Variants in SDK2 observed in about 807,000 individuals in gnomAD.
SDK2 encodes the protein sidekick cell adhesion molecule 2, also known as protein sidekick-2.
In SDK2, 105 loss-of-function variants were observed where a neutral mutation model predicts 253.9. The ratio of observed to expected loss-of-function variants is 0.41; its 90% confidence interval spans 0.35 to 0.49. The LOEUF (loss-of-function observed/expected upper bound fraction) is 0.49. Among genes scored for constraint, SDK2 ranks in the 20% least tolerant of loss-of-function variants. SDK2 has a pLI of 0.06. For missense variants in SDK2, 2,608 were observed against 3,003.0 expected, an observed-to-expected ratio of 0.87 and a Z score of 3.07; for synonymous variants, 1,249 against 1,234.9, an observed-to-expected ratio of 1.01 and a Z score of -0.24.
At chr17:73,394,904 C>T (rs1330786842) in intron 25 of SDK2, among the ~76,000 whole-genome samples, 6 of 152,152 alleles carry the variant, frequency 3.9e-5, no homozygotes, top group Admixed American at 1.3e-4. Context: ...GGAGCCTACC[C>T]AGCTGTCCTC....
At chr17:73,373,569 A>G (rs1383746739) in intron 36 of SDK2, among the ~76,000 whole-genome samples, 1 of 152,162 alleles carries the variant, frequency 6.6e-6, no homozygotes, top group Non-Finnish European at 1.5e-5. Context: ...GTGTGATGGG[A>G]TATCTCACTG....
intron 1 of SDK2, among the ~76,000 whole-genome samples, chr17:73,535,555 C>T (rs1159606779): frequency 6.6e-6 from 1 of 152,200 alleles, no homozygotes; most frequent in Admixed American, 6.5e-5. Flanking sequence ...CTGGTGAACA[C>T]TTAACATCCT....
At chr17:73,545,437 A>G (rs1179324496) in intron 1 of SDK2, among the ~76,000 whole-genome samples, 1 of 152,148 alleles carries the variant, frequency 6.6e-6, no homozygotes, top group African/African-American at 2.4e-5. Flanking sequence ...GCTACTTGAG[A>G]GACACCGGTG....
intron 43 of SDK2, among the ~76,000 whole-genome samples, chr17:73,349,071 T>C (rs558923915): frequency 3.3e-5 from 5 of 152,284 alleles, no homozygotes; most frequent in Non-Finnish European, 7.4e-5. Context: ...CACAGGGGCC[T>C]GGATGTGTGT....
intron 37 of SDK2, 89 bp downstream of exon 37, chr17:73,368,318 G>A: frequency 8.2e-7 from 1 of 1,220,808 alleles, no homozygotes; most frequent in Non-Finnish European, 1.1e-6. Context: ...CTGCCCCCAT[G>A]CCTGCCAAGA....
chr17:73,604,178 C>T (rs535102753), intron 1 of SDK2, among the ~76,000 whole-genome samples: 1 of 152,332 alleles, frequency 6.6e-6, no homozygotes, highest in Admixed American at 6.5e-5. Context: ...GTGGAAATAA[C>T]GTGCTCACAC....
chr17:73,598,748 T>C (rs1257047990), intron 1 of SDK2, among the ~76,000 whole-genome samples: 1 of 151,996 alleles, frequency 6.6e-6, no homozygotes, highest in African/African-American at 2.4e-5. Flanking sequence ...TATACCTATG[T>C]CCCCTCCAGC....
intron 18 of SDK2, among the ~76,000 whole-genome samples, chr17:73,408,054 T>TTTTTC (rs2063094440): frequency 7.9e-6 from 1 of 127,134 alleles, no homozygotes; most frequent in African/African-American, 2.7e-5. Context: ...TTCCTTTTTT[T>TTTTTC]TTTTTTTTTT....
chr17:73,504,193 CGTGT>C (rs898731477), intron 2 of SDK2: 3,337 of 93,366 alleles, frequency 0.036, 76 homozygotes, highest in Non-Finnish European at 0.046. Context: ...GCAGTGCGTG[CGTGT>C]GTGTGTGTGT....
intron 1 of SDK2, among the ~76,000 whole-genome samples, chr17:73,583,794 C>T (rs1286141998): frequency 2.0e-5 from 3 of 152,200 alleles, no homozygotes; most frequent in Non-Finnish European, 4.4e-5. Context: ...CCCTGAGCTC[C>T]AGATGAAGGG....
At chr17:73,458,132 C>A (rs997276898) in intron 3 of SDK2, among the ~76,000 whole-genome samples, 1 of 152,170 alleles carries the variant, frequency 6.6e-6, no homozygotes, top group African/African-American at 2.4e-5. Context: ...GTGTGTACCA[C>A]CATGCCTGCA....
chr17:73,338,395 C>T lies in SDK2; in HGVS notation c.*192G>A, dbSNP rs1053394240. The T allele has an allele frequency of 4.3e-6, 3 of 696,284 alleles. No individual in the cohort carries two copies. In the African/African-American group the frequency reaches 5.2e-5, roughly 12 times the overall value. 43.1% of individuals were successfully genotyped at this position (696,284 alleles called of 1,614,324 possible). A position where few individuals can be genotyped will look rare whatever the true frequency, so the allele number is the denominator to read the frequency against. ...CAAAGCTGAAGAGCTGCTGGCCACA[C>T]ACATCCTCTCACGGTTTTCTCCCTC... On this transcript the variant is annotated 3_prime_UTR_variant, in exon 45 of 45. Coordinates refer to ENST00000392650, the MANE Select transcript of SDK2 (RefSeq NM_001144952.2). This position sits in a 1 kb window ranked among gnomAD's most constrained non-coding sequence, Gnocchi z 5.0.
At chr17:73,557,999 C>T (rs904934322) in intron 1 of SDK2, among the ~76,000 whole-genome samples, 3 of 152,248 alleles carry the variant, frequency 2.0e-5, no homozygotes, top group Non-Finnish European at 4.4e-5. Context: ...CCAAGTCCAG[C>T]TCTCTTGTTC....
chr17:73,468,118 G>C (rs188650644), intron 3 of SDK2, among the ~76,000 whole-genome samples: 120 of 152,316 alleles, frequency 7.9e-4, no homozygotes, highest in African/African-American at 2.7e-3. Flanking sequence ...TACTGTGAGA[G>C]GTAGTGGAGG....
intron 37 of SDK2, among the ~76,000 whole-genome samples, chr17:73,367,191 T>G (rs1055554183): frequency 1.3e-5 from 2 of 152,040 alleles, no homozygotes; most frequent in East Asian, 1.9e-4. Context: ...GTTTTTTAAG[T>G]ACAGATAGGG....
chr17:73,503,366 A>G (rs1319898614), intron 2 of SDK2, among the ~76,000 whole-genome samples: 1 of 152,232 alleles, frequency 6.6e-6, no homozygotes, highest in African/African-American at 2.4e-5. Context: ...TTCTGCGGGT[A>G]AATGCCTTGC....
At chr17:73,446,343 A>C (rs1356190060) in intron 5 of SDK2, among the ~76,000 whole-genome samples, 1 of 152,196 alleles carries the variant, frequency 6.6e-6, no homozygotes, top group East Asian at 1.9e-4. Flanking sequence ...ACTCGATGTC[A>C]GAGGTTACAC....
At chr17:73,386,637 C>T in intron 30 of SDK2, 89 bp from the exon 31 acceptor site, 1 of 901,040 alleles carries the variant, frequency 1.1e-6, no homozygotes, top group Non-Finnish European at 1.8e-6. Context: ...TGATCTGGCC[C>T]TGCTCGGGAA....
rs1203393280 is a variant in SDK2 at position 73,642,817 on chromosome 17, A to G, written c.64+1208T>C. Among the ~76,000 whole-genome samples, 1 of 152,134 alleles carries G rather than the reference A, an allele frequency of 6.6e-6. No homozygotes were observed. The highest frequency in any genetic ancestry group is 2.4e-5 in the African/African-American group (1 of 41,424). ...GCTTTTATGTAAATTACCTCGTAAA[A>G]TCCTCCCCTCAGCCCTGTGAGTGAG... On this transcript the variant is annotated intron_variant, in intron 1 of 44. Transcript: ENST00000392650. The surrounding 1 kb of genome is among the most constrained non-coding windows in gnomAD (Gnocchi z 4.7).
Sources: gnomAD v4.1 joint callset for allele counts (sites outside exome capture counted in the v4.1 genomes callset) on GRCh38, gnomAD v4.1.1 for gene constraint, Gnocchi (gnomAD v3.1) non-coding constraint, MANE v1.5 for transcripts, NCBI Gene and HGNC (gene_info 2026-07-23, HGNC 2026-07-21) for gene names.